PAM: variants seen among roughly 807,000 people sequenced by gnomAD.
PAM encodes peptidylglycine alpha-amidating monooxygenase.
PAM carries 72 observed loss-of-function variants against 122.1 expected under a neutral mutation model. That is an observed-to-expected ratio of 0.59 (90% CI 0.49 to 0.72). The LOEUF (loss-of-function observed/expected upper bound fraction) is 0.72. PAM is among the 30% of genes least tolerant of loss of function. The probability of loss-of-function intolerance (pLI) is 0.00; values close to 1 mark genes in which losing one functional copy is unlikely to be tolerated. For synonymous variants in PAM, 389 were observed against 404.4 expected, an observed-to-expected ratio of 0.96 and a Z score of 0.46; for missense variants, 1,106 against 1,183.7, an observed-to-expected ratio of 0.93 and a Z score of 0.96.
At chr5:102,882,052 A>C (rs1791318505) in intron 3 of PAM, among the ~76,000 whole-genome samples, 1 of 62,016 alleles carries the variant, frequency 1.6e-5, no homozygotes, top group African/African-American at 5.4e-5. Context: ...TCCATCGTGG[A>C]ATATATATAT....
At chr5:102,782,487 C>T (rs1474672148) in intron 1 of PAM, among the ~76,000 whole-genome samples, 2 of 152,048 alleles carry the variant, frequency 1.3e-5, no homozygotes, top group African/African-American at 2.4e-5. Flanking sequence ...AAAAACTTGG[C>T]TCTTGTTTTA....
upstream of PAM, chr5:102,754,988 C>A (rs554761534): frequency 3.3e-5 from 5 of 152,498 alleles, no homozygotes; most frequent in East Asian, 5.8e-4. Context: ...GCAGGGAAAC[C>A]CCGGGAAGCT....
At chr5:102,779,830 G>A (rs935965694) in intron 1 of PAM, among the ~76,000 whole-genome samples, 1 of 144,852 alleles carries the variant, frequency 6.9e-6, no homozygotes, top group Non-Finnish European at 1.5e-5. Flanking sequence ...GCCTGCAGAC[G>A]GCCTATTGTG....
chr5:102,840,947 C>G (rs1778422186), intron 1 of PAM, among the ~76,000 whole-genome samples: 1 of 152,110 alleles, frequency 6.6e-6, no homozygotes, highest in South Asian at 2.1e-4. Flanking sequence ...TATTGCAAGG[C>G]AAGTGTCTGT....
At chr5:102,994,377 C>T (rs1214874207) in intron 16 of PAM, among the ~76,000 whole-genome samples, 1 of 152,082 alleles carries the variant, frequency 6.6e-6, no homozygotes, top group African/African-American at 2.4e-5. Context: ...TGAAGAAAGC[C>T]TTATCTTTTG....
intron 3 of PAM, among the ~76,000 whole-genome samples, chr5:102,877,675 A>C (rs1789660773): frequency 6.6e-6 from 1 of 152,208 alleles, no homozygotes; most frequent in Non-Finnish European, 1.5e-5. Flanking sequence ...CAATTTGCTA[A>C]GAGAGAAAAA....
At chr5:102,830,638 C>T (rs555685651) in intron 1 of PAM, among the ~76,000 whole-genome samples, 14 of 152,310 alleles carry the variant, frequency 9.2e-5, no homozygotes, top group African/African-American at 2.6e-4. Context: ...ATCAGATTCA[C>T]TTTCACAAGG....
intron 7 of PAM, among the ~76,000 whole-genome samples, chr5:102,943,579 A>T (rs1045802022): frequency 6.6e-6 from 1 of 152,146 alleles, no homozygotes; most frequent in African/African-American, 2.4e-5. Flanking sequence ...TCTAGTAAAT[A>T]GCATTTATTA....
At chr5:102,784,734 G>A (rs1006975684) in intron 1 of PAM, among the ~76,000 whole-genome samples, 6 of 152,116 alleles carry the variant, frequency 3.9e-5, no homozygotes, top group Non-Finnish European at 8.8e-5. Context: ...AGTCACTGGC[G>A]GGCATTTACT....
At position 102,990,378 on chromosome 5, in the gene PAM, A is replaced by G. The variant is rs1773669459; in HGVS notation, c.1590A>G (p.Arg530=). 1 of 1,605,344 alleles carries G rather than the reference A, an allele frequency of 6.2e-7. No homozygotes were observed. Residue 530 remains arginine (R), a synonymous_variant, in exon 16 of 26, where the codon AGA becomes AGG. Transcript: ENST00000438793. ...DPKNNLVIFH[R]GDHVWDGNSF... is the part of the protein sequence containing the mutation. Reference sequence around the variant, plus strand: ...AGAATAACCTGGTGATTTTCCACAGAGGTGACCATGTCTGGGATGGAAAGT... The same window carrying G: ...AGAATAACCTGGTGATTTTCCACAGGGGTGACCATGTCTGGGATGGAAAGT...
chr5:102,937,777 A>C (rs898676215), intron 7 of PAM, among the ~76,000 whole-genome samples: 1 of 152,180 alleles, frequency 6.6e-6, no homozygotes, highest in Non-Finnish European at 1.5e-5. Flanking sequence ...TTGGTTTTCT[A>C]GTTTGTGTAT....
chr5:102,990,903 T>C (rs1164478698), intron 16 of PAM, among the ~76,000 whole-genome samples: 1 of 152,192 alleles, frequency 6.6e-6, no homozygotes. Flanking sequence ...AAATAGTAAC[T>C]TGGCCTTAAG....
chr5:102,815,404 A>G (rs1280237667), intron 1 of PAM, among the ~76,000 whole-genome samples: 1 of 152,184 alleles, frequency 6.6e-6, no homozygotes, highest in African/African-American at 2.4e-5. Context: ...CAGGCATTTT[A>G]TGGTGAATAA....
intron 7 of PAM, among the ~76,000 whole-genome samples, chr5:102,938,521 T>C (rs1388391548): frequency 6.6e-6 from 1 of 152,176 alleles, no homozygotes; most frequent in African/African-American, 2.4e-5. Context: ...CTTTCCTACA[T>C]GCAATTTAGT....
chr5:102,867,478 G>C (rs900236070), intron 3 of PAM, 85 bp downstream of exon 3: 7 of 982,412 alleles, frequency 7.1e-6, no homozygotes, highest in Admixed American at 4.4e-5. Flanking sequence ...ACAGCTGTAG[G>C]AACTTCTTTA....
chr5:102,841,525 G>A (rs1237188886), intron 1 of PAM, among the ~76,000 whole-genome samples: 1 of 151,750 alleles, frequency 6.6e-6, no homozygotes, highest in Non-Finnish European at 1.5e-5. Context: ...TATTCATAAA[G>A]ACTTAAAGAC....
At chr5:102,857,123 T>TA (rs954726056) in intron 1 of PAM, among the ~76,000 whole-genome samples, 14 of 151,974 alleles carry the variant, frequency 9.2e-5, no homozygotes, top group Admixed American at 2.0e-4. Context: ...TGGCCAGTTA[T>TA]AAAAAAAATA....
In PAM at chr5:102,758,073, G is replaced by GTTTTTTTTTT. The variant is rs1168917285; in HGVS notation, c.-374+2751_-374+2760dup. On this transcript the variant is annotated intron_variant, in intron 1 of 25. Coordinates refer to ENST00000438793, the MANE Select transcript of PAM (RefSeq NM_001177306.2). Reference sequence around the variant, plus strand: ...AAAAAAAAAAAAGACTTAGAATTTTGTTTTTTTTTTTTTTTTTTTTTTTTT... The same window carrying GTTTTTTTTTT: ...AAAAAAAAAAAAGACTTAGAATTTTGTTTTTTTTTTTTTTTTTTTTTTTTTTTTTTTTTTT... Among the ~76,000 whole-genome samples the GTTTTTTTTTT allele has an allele frequency of 8.5e-4, 21 of 24,810 alleles. 1 individual carries two copies. The highest frequency in any genetic ancestry group is 1.6e-3 in the Non-Finnish European group (18 of 11,120). The allele number at this position is 24,810 out of a possible 152,430, so 16.3% of individuals were successfully genotyped here. A position where few individuals can be genotyped will look rare whatever the true frequency, so the allele number is the denominator to read the frequency against.
At chr5:103,012,042 T>C (rs1342493868) in intron 21 of PAM, among the ~76,000 whole-genome samples, 1 of 152,232 alleles carries the variant, frequency 6.6e-6, no homozygotes, top group East Asian at 1.9e-4. Context: ...ATATGTCTGT[T>C]TGCCATTTGT....
Sources: allele counts gnomAD v4.1 joint callset (sites outside exome capture counted in the v4.1 genomes callset), GRCh38; gene constraint gnomAD v4.1.1; transcripts MANE v1.5; gene names NCBI Gene and HGNC (gene_info 2026-07-23, HGNC 2026-07-21).